Variants in GRM3 observed in about 807,000 individuals in gnomAD.
GRM3 encodes the protein glutamate metabotropic receptor 3, also known as metabotropic glutamate receptor 3.
A neutral mutation model predicts 70.5 loss-of-function variants in GRM3; 26 were observed. That is an observed-to-expected ratio of 0.37 (90% confidence interval 0.27 to 0.51). The LOEUF (loss-of-function observed/expected upper bound fraction) is 0.51. Ranked by LOEUF, GRM3 falls within the 20% of genes least tolerant of loss-of-function variation. The pLI is 0.93. For synonymous variants in GRM3, 443 were observed against 434.9 expected (o/e 1.02, Z -0.23); for missense variants, 859 against 1,123.8 (o/e 0.76, Z 3.37).
At chr7:86,649,586 A>G (rs1584137672) in intron 1 of GRM3, among the ~76,000 whole-genome samples, 2 of 152,166 alleles carry the variant, frequency 1.3e-5, no homozygotes, top group African/African-American at 4.8e-5. Flanking sequence ...CATTGACTGT[A>G]TAACTACACA....
intron 1 of GRM3, among the ~76,000 whole-genome samples, chr7:86,687,174 T>C (rs1482124411): frequency 1.3e-5 from 2 of 151,896 alleles, no homozygotes; most frequent in Non-Finnish European, 2.9e-5. Flanking sequence ...CATAGAATGC[T>C]AGAACATAAA....
At chr7:86,672,522 C>T (rs7790582) in intron 1 of GRM3, among the ~76,000 whole-genome samples, 4,977 of 152,188 alleles carry the variant, frequency 0.033, 265 homozygotes, top group African/African-American at 0.11. Flanking sequence ...CTATAGTTTT[C>T]TAGATTTAGC....
intron 1 of GRM3, among the ~76,000 whole-genome samples, chr7:86,655,010 C>T (rs548955796): frequency 1.3e-5 from 2 of 152,262 alleles, no homozygotes; most frequent in African/African-American, 4.8e-5. Flanking sequence ...TGATGAATAA[C>T]TGGTTTTTCC....
chr7:86,679,593 T>G (rs535395130), intron 1 of GRM3, among the ~76,000 whole-genome samples: 82 of 147,322 alleles, frequency 5.6e-4, no homozygotes, highest in African/African-American at 2.2e-3. Context: ...AGAGATCTCT[T>G]TATTATGTAC....
intron 1 of GRM3, among the ~76,000 whole-genome samples, chr7:86,752,735 G>C (rs1294243340): frequency 6.6e-6 from 1 of 152,018 alleles, no homozygotes; most frequent in African/African-American, 2.4e-5. Context: ...ATGGGATAGT[G>C]AAAATTAAGT....
intron 4 of GRM3, among the ~76,000 whole-genome samples, chr7:86,848,270 G>A (rs1798694247): frequency 6.6e-6 from 1 of 152,172 alleles, no homozygotes; most frequent in Non-Finnish European, 1.5e-5. Flanking sequence ...GGTCTGGCCT[G>A]TCTTAGGCTG....
chr7:86,800,360 T>C lies in GRM3; in HGVS notation c.1324+13244T>C, dbSNP rs557002130. Among the ~76,000 whole-genome samples the C allele has an allele frequency of 2.6e-5, 4 of 152,148 alleles. No individual in the cohort carries two copies. In the South Asian group the frequency reaches 8.3e-4, roughly 32 times the overall value. ...AATATCAATAAATCCAGGAGTTGGT[T>C]TTCAGAAAAAAATAATTAAATAGAT... On this transcript the variant is annotated intron_variant, in intron 3 of 5. Transcript: ENST00000361669.
intron 1 of GRM3, among the ~76,000 whole-genome samples, chr7:86,661,308 T>A (rs1205328424): frequency 6.6e-6 from 1 of 152,006 alleles, no homozygotes. Context: ...ACTTAATATC[T>A]TCACACATGT....
At chr7:86,847,757 G>T (rs1218789442) in intron 4 of GRM3, among the ~76,000 whole-genome samples, 1 of 152,140 alleles carries the variant, frequency 6.6e-6, no homozygotes. Flanking sequence ...ATCGTAAGCT[G>T]GTAGTATTCA....
At chr7:86,695,100 A>T (rs1328656121) in intron 1 of GRM3, among the ~76,000 whole-genome samples, 2 of 152,182 alleles carry the variant, frequency 1.3e-5, no homozygotes, top group African/African-American at 4.8e-5. Flanking sequence ...GAGTCCATAA[A>T]TGTACTTCAA....
At chr7:86,705,880 A>G (rs2116132209) in intron 1 of GRM3, among the ~76,000 whole-genome samples, 1 of 141,832 alleles carries the variant, frequency 7.1e-6, no homozygotes, top group Non-Finnish European at 1.5e-5. Context: ...AAAGATCACA[A>G]AGCAAGATTA....
Position 86,785,953 on chromosome 7 carries a change from C to A in GRM3, c.469-308C>A, listed in dbSNP as rs542619024. 3.9e-4 allele frequency: 86 copies of A among 218,466 alleles called. 1 individual carries two copies. Among genetic ancestry groups the A allele is most frequent in the African/African-American group, 1.9e-3 (82 of 43,660 alleles). 13.5% of individuals were successfully genotyped at this position (218,466 alleles called of 1,614,324 possible). A position where few individuals can be genotyped will look rare whatever the true frequency, so the allele number is the denominator to read the frequency against. On this transcript the variant is annotated intron_variant, in intron 2 of 5. Transcript: ENST00000361669. Reference sequence around the variant, plus strand: ...AGAAACTTAAAGAAACCTGAGAGCCCATGGACAGGTTTTATCCTAGTCTAG... The same window carrying A: ...AGAAACTTAAAGAAACCTGAGAGCCAATGGACAGGTTTTATCCTAGTCTAG...
rs141671463 is a variant in GRM3, at chr7:86,839,787, C to A, written c.2273C>A (p.Thr758Lys). 4.3e-5 allele frequency: 69 copies of A among 1,613,756 alleles called. No individual in the cohort carries two copies. The highest frequency in any genetic ancestry group is 5.7e-5 in the Non-Finnish European group (67 of 1,179,664). Residue 758 changes from threonine (T) to lysine (K), a missense_variant, in exon 4 of 6, where the codon ACG (threonine) becomes AAG (lysine). Transcript: ENST00000361669. The surrounding 1 kb of genome is among the most constrained non-coding windows in gnomAD (Gnocchi z 4.5). ...TTATGCACTGTGTACGCCTTCAAAA[C>A]GCGGAAGTGCCCAGAAAATTTCAAC... is the stretch of plus-strand genomic sequence containing the variant. ...VILCTVYAFK[T>K]RKCPENFNEA...
intron 1 of GRM3, among the ~76,000 whole-genome samples, chr7:86,733,486 G>A (rs1470867475): frequency 6.6e-6 from 1 of 152,102 alleles, no homozygotes; most frequent in African/African-American, 2.4e-5. Context: ...GGGAATACCT[G>A]TAACTCCAAA....
At chr7:86,847,089 G>A (rs1320647501) in intron 4 of GRM3, among the ~76,000 whole-genome samples, 1 of 152,180 alleles carries the variant, frequency 6.6e-6, no homozygotes, top group Non-Finnish European at 1.5e-5. Context: ...TCACAGGAGA[G>A]GAACTCTGAG....
chr7:86,773,996 A>T (rs961247980), intron 2 of GRM3, among the ~76,000 whole-genome samples: 1 of 152,124 alleles, frequency 6.6e-6, no homozygotes, highest in Non-Finnish European at 1.5e-5. Flanking sequence ...TCACGCGATA[A>T]AAAGCAAAGA....
At chr7:86,790,925 A>G (rs1366365866) in intron 3 of GRM3, among the ~76,000 whole-genome samples, 1 of 149,734 alleles carries the variant, frequency 6.7e-6, no homozygotes, top group African/African-American at 2.4e-5. Flanking sequence ...TTGTTTTTTC[A>G]CCCCATGACA....
At chr7:86,859,629 G>A (rs553364675) in intron 5 of GRM3, among the ~76,000 whole-genome samples, 41 of 152,244 alleles carry the variant, frequency 2.7e-4, no homozygotes, top group East Asian at 9.6e-4. Context: ...TGTCTGTTCC[G>A]TTGAAATGTT....
intron 1 of GRM3, among the ~76,000 whole-genome samples, chr7:86,686,470 T>C (rs759401472): frequency 6.6e-6 from 1 of 152,176 alleles, no homozygotes; most frequent in Non-Finnish European, 1.5e-5. Flanking sequence ...GTTGCAAAGA[T>C]ATTTCAGAGA....
Sources: gnomAD v4.1 joint callset for allele counts (sites outside exome capture counted in the v4.1 genomes callset) on GRCh38, gnomAD v4.1.1 for gene constraint, Gnocchi (gnomAD v3.1) non-coding constraint, MANE v1.5 for transcripts, NCBI Gene and HGNC (gene_info 2026-07-23, HGNC 2026-07-21) for gene names.